ANAPC10: variants seen among roughly 807,000 people sequenced by gnomAD.
ANAPC10 encodes the protein anaphase promoting complex subunit 10, also known as anaphase-promoting complex subunit 10.
Under a neutral mutation model 22.0 loss-of-function variants are expected in ANAPC10, and 12 were observed. The observed-to-expected ratio is 0.55, with a 90% CI of 0.35 to 0.88. The LOEUF is 0.88. Ranked by LOEUF, ANAPC10 falls within the 40% of genes least tolerant of loss-of-function variation. ANAPC10 has a pLI of 0.01. For missense variants in ANAPC10, 188 were observed against 220.9 expected (o/e 0.85, Z 0.94); for synonymous variants, 65 against 69.5 (o/e 0.94, Z 0.32).
intron 2 of ANAPC10, among the ~76,000 whole-genome samples, chr4:145,088,777 C>A (rs1315710740): frequency 1.3e-5 from 2 of 152,166 alleles, no homozygotes; most frequent in Admixed American, 6.5e-5. Flanking sequence ...CTGCTTAACA[C>A]CTCCAGTGGT....
chr4:145,066,081 G>T (rs1743633562), intron 3 of ANAPC10, among the ~76,000 whole-genome samples: 1 of 152,046 alleles, frequency 6.6e-6, no homozygotes, highest in Non-Finnish European at 1.5e-5. Flanking sequence ...CACTAACTTT[G>T]TAACAATGAG....
intron 3 of ANAPC10, among the ~76,000 whole-genome samples, chr4:145,079,449 C>T (rs187609873): frequency 9.5e-4 from 145 of 152,270 alleles, no homozygotes; most frequent in African/African-American, 3.1e-3. Flanking sequence ...ATTAGTTCAG[C>T]CACTGTGGAA....
chr4:144,995,674 A>G (rs1442564594), intron 4 of ANAPC10, 71 bp from the exon 5 acceptor site: 1 of 972,632 alleles, frequency 1.0e-6, no homozygotes, highest in Non-Finnish European at 1.5e-6. Flanking sequence ...AATGCATTCT[A>G]TAATAAAATA....
At chr4:145,073,280 T>C (rs1744744876) in intron 3 of ANAPC10, among the ~76,000 whole-genome samples, 1 of 152,244 alleles carries the variant, frequency 6.6e-6, no homozygotes, top group Non-Finnish European at 1.5e-5. Flanking sequence ...AAGTATTCTA[T>C]AATTGCACAA....
chr4:145,046,757 G>GAAA (rs1415522135), intron 4 of ANAPC10, among the ~76,000 whole-genome samples: 4 of 151,942 alleles, frequency 2.6e-5, no homozygotes, highest in Admixed American at 2.0e-4. Context: ...TTGCAACAGA[G>GAAA]AAAACACTGA....
intron 4 of ANAPC10, among the ~76,000 whole-genome samples, chr4:145,034,468 A>ACAGC (rs1738140150): frequency 6.7e-6 from 1 of 149,518 alleles, no homozygotes; most frequent in Admixed American, 6.7e-5. Flanking sequence ...CAGCTTGCAG[A>ACAGC]CAGCCTATTG....
chr4:145,097,086 T>C (rs1013381895), intron 1 of ANAPC10, among the ~76,000 whole-genome samples: 1 of 152,032 alleles, frequency 6.6e-6, no homozygotes, highest in Non-Finnish European at 1.5e-5. Flanking sequence ...GGCACACACC[T>C]GTAGTCCCAG....
intron 4 of ANAPC10, among the ~76,000 whole-genome samples, chr4:144,996,452 C>A (rs34919532): frequency 6.6e-6 from 1 of 152,070 alleles, no homozygotes; most frequent in Non-Finnish European, 1.5e-5. Flanking sequence ...GGAGACTTGG[C>A]GCTCCCATGC....
intron 4 of ANAPC10, among the ~76,000 whole-genome samples, chr4:144,996,053 C>T (rs552235922): frequency 6.6e-5 from 10 of 152,150 alleles, no homozygotes; most frequent in Non-Finnish European, 7.4e-5. Flanking sequence ...TAGGATTCAT[C>T]AGGGAAGAGA....
intron 2 of ANAPC10, among the ~76,000 whole-genome samples, chr4:145,094,813 A>G (rs1486876046): frequency 1.3e-5 from 2 of 152,154 alleles, no homozygotes; most frequent in Admixed American, 6.5e-5. Flanking sequence ...AAAAAAAAAG[A>G]GAGGTAGGCA....
chr4:145,089,505 A>G (rs1162658752), intron 2 of ANAPC10, among the ~76,000 whole-genome samples: 1 of 152,280 alleles, frequency 6.6e-6, no homozygotes, highest in Non-Finnish European at 1.5e-5. Context: ...ACCCTATTAT[A>G]CGGTAGCAGT....
Position 145,053,796 on chromosome 4 carries a change from G to C in ANAPC10, c.327+10776C>G, listed in dbSNP as rs1193949974. 7.9e-6 allele frequency: 5 copies of C among 631,768 alleles called. No homozygotes were observed. In the East Asian group the frequency reaches 1.1e-4, roughly 14 times the overall value. 39.1% of individuals were successfully genotyped at this position (631,768 alleles called of 1,614,324 possible). A position where few individuals can be genotyped will look rare whatever the true frequency, so the allele number is the denominator to read the frequency against. On this transcript the variant is annotated intron_variant, in intron 4 of 4. Transcript: ENST00000507656. ...AAACATGAGGCTGAAAAAAAAAAAA[G>C]GTTCCTGACTAGGCTCACCTCTATT...
intron 3 of ANAPC10, among the ~76,000 whole-genome samples, chr4:145,070,860 A>C (rs1400647285): frequency 6.6e-6 from 1 of 152,246 alleles, no homozygotes; most frequent in Non-Finnish European, 1.5e-5. Flanking sequence ...GAACCTTGAA[A>C]ACATTAGGCT....
At chr4:145,007,534 C>T (rs533856667) in intron 4 of ANAPC10, among the ~76,000 whole-genome samples, 3 of 152,054 alleles carry the variant, frequency 2.0e-5, no homozygotes, top group Non-Finnish European at 2.9e-5. Context: ...CACTCAAAAC[C>T]GCTCAACTAC....
At chr4:145,022,377 G>C (rs895529279) in intron 4 of ANAPC10, among the ~76,000 whole-genome samples, 2 of 152,132 alleles carry the variant, frequency 1.3e-5, no homozygotes, top group African/African-American at 4.8e-5. Flanking sequence ...ACCTGGATGA[G>C]ATCGGAGACT....
At chr4:144,995,750 G>A (rs1731515191) in intron 4 of ANAPC10, 147 bp from the exon 5 acceptor site, 1 of 631,640 alleles carries the variant, frequency 1.6e-6, no homozygotes, top group Non-Finnish European at 2.7e-6. Context: ...CCAGTTATTG[G>A]ACACTTTTAC....
At chr4:145,086,080 C>T (rs977481535) in intron 2 of ANAPC10, among the ~76,000 whole-genome samples, 1 of 152,042 alleles carries the variant, frequency 6.6e-6, no homozygotes, top group Non-Finnish European at 1.5e-5. Flanking sequence ...TTGCCTCAGC[C>T]TCCCCCAGAG....
At chr4:145,027,139 G>A (rs1347461618) in intron 4 of ANAPC10, among the ~76,000 whole-genome samples, 2 of 148,518 alleles carry the variant, frequency 1.3e-5, no homozygotes, top group Non-Finnish European at 3.0e-5. Context: ...GAGTAGCTGA[G>A]ACTACAGGCG....
At chr4:145,010,904 C>T (rs776888472) in intron 4 of ANAPC10, among the ~76,000 whole-genome samples, 3 of 152,010 alleles carry the variant, frequency 2.0e-5, no homozygotes, top group Non-Finnish European at 4.4e-5. Flanking sequence ...AAATATACAT[C>T]TCTTTTTTAG....
Sources: allele counts gnomAD v4.1 joint callset (sites outside exome capture counted in the v4.1 genomes callset), GRCh38; gene constraint gnomAD v4.1.1; transcripts MANE v1.5; gene names NCBI Gene and HGNC (gene_info 2026-07-23, HGNC 2026-07-21).